CNTNAP4: variants seen among roughly 807,000 people sequenced by gnomAD.
CNTNAP4 encodes contactin-associated protein-like 4.
A neutral mutation model predicts 148.4 loss-of-function variants in CNTNAP4; 98 were observed. The ratio of observed to expected loss-of-function variants is 0.66; its 90% confidence interval spans 0.56 to 0.78. The LOEUF (loss-of-function observed/expected upper bound fraction) is 0.78. Ranked by LOEUF, CNTNAP4 falls within the 30% of genes least tolerant of loss-of-function variation. The probability of loss-of-function intolerance (pLI) is 0.00; values close to 1 mark genes in which losing one functional copy is unlikely to be tolerated. For synonymous variants in CNTNAP4, 730 were observed against 565.1 expected (o/e 1.29, Z -4.14); for missense variants, 1,935 against 1,565.6 (o/e 1.24, Z -3.98).
At chr16:76,396,955 G>C (rs1029802722) in intron 3 of CNTNAP4, among the ~76,000 whole-genome samples, 1 of 152,136 alleles carries the variant, frequency 6.6e-6, no homozygotes, top group East Asian at 1.9e-4. Context: ...AAAGGAAGCA[G>C]ACACATAAAT....
intron 1 of CNTNAP4, among the ~76,000 whole-genome samples, chr16:76,294,550 C>A (rs1307212194): frequency 6.6e-6 from 1 of 152,082 alleles, no homozygotes; most frequent in Non-Finnish European, 1.5e-5. Context: ...TGAATTGTAT[C>A]TAAGAAAGAA....
intron 4 of CNTNAP4, among the ~76,000 whole-genome samples, chr16:76,433,492 TA>T (rs1385979512): frequency 2.0e-5 from 3 of 152,176 alleles, no homozygotes; most frequent in African/African-American, 7.2e-5. Flanking sequence ...CCAATTTTTT[TA>T]CATAATAAAC....
chr16:76,538,069 C>T (rs753155508), intron 18 of CNTNAP4, 47 bp from the exon 19 acceptor site: 6 of 867,034 alleles, frequency 6.9e-6, no homozygotes, highest in Non-Finnish European at 9.5e-6. Context: ...AAACAAAATC[C>T]TTGTACTTAA....
At chr16:76,282,314 G>C (rs906877962) in intron 1 of CNTNAP4, among the ~76,000 whole-genome samples, 1 of 151,812 alleles carries the variant, frequency 6.6e-6, no homozygotes, top group African/African-American at 2.4e-5. Context: ...ATCTCAAGTG[G>C]TCTTGTTAGG....
At chr16:76,398,090 G>A (rs1182542273) in intron 3 of CNTNAP4, among the ~76,000 whole-genome samples, 1 of 148,444 alleles carries the variant, frequency 6.7e-6, no homozygotes, top group East Asian at 2.0e-4. Context: ...TCCCAAAGCT[G>A]AAGAACCTGG....
intron 2 of CNTNAP4, among the ~76,000 whole-genome samples, chr16:76,331,199 T>G (rs1432103811): frequency 6.6e-6 from 1 of 151,764 alleles, no homozygotes; most frequent in African/African-American, 2.4e-5. Flanking sequence ...TTCTTTTTCT[T>G]TTTTTTTAGA....
At position 76,372,138 on chromosome 16, in the gene CNTNAP4, A is replaced by ATTTT. The variant is rs35343278; in HGVS notation, c.390+16643_390+16646dup. Among the ~76,000 whole-genome samples the ATTTT allele has an allele frequency of 8.6e-3, 1,080 of 125,760 alleles. 18 individuals carry two copies. The highest frequency in any genetic ancestry group is 0.022 in the African/African-American group (742 of 33,308). 82.5% of individuals were successfully genotyped at this position (125,760 alleles called of 152,430 possible). A position where few individuals can be genotyped will look rare whatever the true frequency, so the allele number is the denominator to read the frequency against. On this transcript the variant is annotated intron_variant, in intron 3 of 23. Coordinates refer to ENST00000611870, the MANE Select transcript of CNTNAP4 (RefSeq NM_033401.5). ...TGATAATGGTTGTGTTCCAGCCCAA[A>ATTTT]TTTTTTTTTTTTTTTTTTTGAGACG... is the stretch of plus-strand genomic sequence containing the variant.
In CNTNAP4 at chr16:76,305,675, C is replaced by A. The variant is rs149228996; in HGVS notation, c.86-10738C>A. ...TGGCAGTCTGGCAAGACCCATCATT[C>A]GTTTTTGTTGTTGTTTTAATTCAGC... is the stretch of plus-strand genomic sequence containing the variant. On this transcript the variant is annotated intron_variant, in intron 1 of 23. Transcript: ENST00000611870. 5.9e-3 allele frequency among the ~76,000 whole-genome samples: 897 copies of A among 152,140 alleles called. 8 individuals are homozygous for A. The highest frequency in any genetic ancestry group is 0.021 in the African/African-American group (867 of 41,492).
chr16:76,318,150 A>G (rs1413495757), intron 2 of CNTNAP4, among the ~76,000 whole-genome samples: 5 of 152,168 alleles, frequency 3.3e-5, no homozygotes, highest in Admixed American at 2.6e-4. Flanking sequence ...TGCAATGCTA[A>G]TCCTAGAATA....
rs1238279433 is a variant in CNTNAP4 at position 76,535,529 on chromosome 16, A to G, written c.2756-16A>G. 4 of 1,610,358 alleles carry G rather than the reference A, an allele frequency of 2.5e-6. No homozygotes were observed. The South Asian group carries it at 4.4e-5, about 18-fold the overall frequency. ...CACCTAGGAACATGTTTCCATTTGC[A>G]GTATTTCCCTTTTAGGTGGAACGGC... On this transcript the variant is annotated splice_polypyrimidine_tract_variant and intron_variant, in intron 17 of 23. Transcript: ENST00000611870.
chr16:76,348,015 GACTT>G (rs1965052756), intron 2 of CNTNAP4, among the ~76,000 whole-genome samples: 2 of 152,086 alleles, frequency 1.3e-5, no homozygotes, highest in East Asian at 3.9e-4. Context: ...AAGAAAGAGA[GACTT>G]ACTAGGTGAC....
intron 4 of CNTNAP4, among the ~76,000 whole-genome samples, chr16:76,439,002 A>AT (rs2079938610): frequency 6.6e-6 from 1 of 152,116 alleles, no homozygotes. Flanking sequence ...AAATAGACCA[A>AT]TTGTAATTGT....
intron 3 of CNTNAP4, among the ~76,000 whole-genome samples, chr16:76,421,570 T>C (rs1385120135): frequency 6.6e-6 from 1 of 152,116 alleles, no homozygotes; most frequent in Non-Finnish European, 1.5e-5. Flanking sequence ...TATACTTTTC[T>C]AGACTAGATA....
At chr16:76,544,890 T>C (rs1412307683) in intron 21 of CNTNAP4, among the ~76,000 whole-genome samples, 1 of 152,186 alleles carries the variant, frequency 6.6e-6, no homozygotes, top group African/African-American at 2.4e-5. Flanking sequence ...ATAAAGTGTG[T>C]AGGCAGCAAG....
intron 3 of CNTNAP4, among the ~76,000 whole-genome samples, chr16:76,389,933 G>T (rs940545536): frequency 1.3e-5 from 2 of 152,154 alleles, no homozygotes; most frequent in Non-Finnish European, 2.9e-5. Context: ...TATTTGGAAG[G>T]CAATTTCAAG....
At chr16:76,316,147 TATA>T (rs1961714587) in intron 1 of CNTNAP4, 1 of 535,752 alleles carries the variant, frequency 1.9e-6, no homozygotes, top group African/African-American at 1.9e-5. Flanking sequence ...TATAATGAGG[TATA>T]ATCTTTTCTA....
chr16:76,553,507 T>C lies in CNTNAP4; in HGVS notation c.3661+6T>C. On this transcript the variant is annotated splice_donor_region_variant and intron_variant, in intron 22 of 23. Coordinates refer to ENST00000611870, the MANE Select transcript of CNTNAP4 (RefSeq NM_033401.5). ...AAGGACACACTCGTTTGCAGGTGAC[T>C]TAGAGTTCTTCCTCTACTCAGTCAC... 6.3e-7 allele frequency: 1 copy of C among 1,595,254 alleles called. No individual in the cohort carries two copies. The highest frequency in any genetic ancestry group is 8.6e-7 in the Non-Finnish European group (1 of 1,166,850).
chr16:76,331,801 A>C (rs1963552849), intron 2 of CNTNAP4, among the ~76,000 whole-genome samples: 1 of 152,184 alleles, frequency 6.6e-6, no homozygotes, highest in South Asian at 2.1e-4. Flanking sequence ...GTGTTTATGT[A>C]GTTTCCATAC....
chr16:76,389,485 C>G (rs1309593606), intron 3 of CNTNAP4, among the ~76,000 whole-genome samples: 1 of 151,966 alleles, frequency 6.6e-6, no homozygotes, highest in African/African-American at 2.4e-5. Flanking sequence ...ACAGTATCTC[C>G]CTCTTTTGCC....
Sources: gnomAD v4.1 joint callset for allele counts (sites outside exome capture counted in the v4.1 genomes callset) on GRCh38, gnomAD v4.1.1 for gene constraint, MANE v1.5 for transcripts, NCBI Gene and HGNC (gene_info 2026-07-23, HGNC 2026-07-21) for gene names.